Variants in FBLN2 observed in about 807,000 individuals in gnomAD.
FBLN2 encodes the protein fibulin-2.
In FBLN2, 81 loss-of-function variants were observed where a neutral mutation model predicts 123.7. That is an observed-to-expected ratio of 0.65 (90% CI 0.55 to 0.79). FBLN2 has a LOEUF of 0.79. FBLN2 is among the 30% of genes least tolerant of loss of function. The pLI is 0.00. For synonymous variants in FBLN2, 699 were observed against 701.4 expected, an observed-to-expected ratio of 1.00 and a Z score of 0.05; for missense variants, 1,603 against 1,681.3, an observed-to-expected ratio of 0.95 and a Z score of 0.81.
intron 2 of FBLN2, among the ~76,000 whole-genome samples, chr3:13,595,415 C>T (rs962266155): frequency 1.2e-4 from 18 of 152,106 alleles, no homozygotes; most frequent in African/African-American, 3.4e-4. Context: ...TCTGTGATCC[C>T]GGGGAGGAAG....
intron 2 of FBLN2, among the ~76,000 whole-genome samples, chr3:13,587,161 A>T (rs1559409328): frequency 1.3e-5 from 2 of 150,536 alleles, no homozygotes; most frequent in South Asian, 2.1e-4. Context: ...AAAAAAAAAA[A>T]TAAATAAATA....
At chr3:13,562,642 G>C (rs1355266798) in intron 1 of FBLN2, among the ~76,000 whole-genome samples, 1 of 152,134 alleles carries the variant, frequency 6.6e-6, no homozygotes, top group East Asian at 1.9e-4. Context: ...GGCCGCGCCC[G>C]GCTGCGATTT....
At chr3:13,561,980 G>A (rs1703621077) in intron 1 of FBLN2, among the ~76,000 whole-genome samples, 1 of 152,176 alleles carries the variant, frequency 6.6e-6, no homozygotes, top group African/African-American at 2.4e-5. Flanking sequence ...AATATCCCTG[G>A]AAACTCACAG....
In FBLN2 at chr3:13,554,266, C is replaced by T. The variant is rs552989464; in HGVS notation, c.-42+5058C>T. Among the ~76,000 whole-genome samples, 680 of 152,284 alleles carry T rather than the reference C, an allele frequency of 4.5e-3. 2 individuals carry two copies. Among genetic ancestry groups the T allele is most frequent in the South Asian group, 0.034 (165 of 4,826 alleles). ...TCCCGTGGCTTCTGTCTTCTGGCCACGGAGACACCATCATCTGTGTTGGGG... is the reference window on the plus strand; with the variant it reads ...TCCCGTGGCTTCTGTCTTCTGGCCATGGAGACACCATCATCTGTGTTGGGG... On this transcript the variant is annotated intron_variant, in intron 1 of 17. Transcript: ENST00000404922.
intron 4 of FBLN2, among the ~76,000 whole-genome samples, chr3:13,612,298 TCTTTCTTTCTTTC>T (rs1228517774): frequency 3.0e-4 from 15 of 49,448 alleles, no homozygotes; most frequent in Non-Finnish European, 6.8e-4. Context: ...TATTTTCCTT[TCTTTCTTTCTTTC>T]TTTCTTTCTT....
chr3:13,638,061 C>A lies in FBLN2; in HGVS notation c.*142C>A, dbSNP rs1706541764. On this transcript the variant is annotated 3_prime_UTR_variant, in exon 18 of 18. Coordinates refer to ENST00000404922, the MANE Select transcript of FBLN2 (RefSeq NM_001004019.2). ...GACTTGACTCCTGTGGCTTCTGGACCCCTCCTCTGCCCCGCAGGAGGAAGT... is the reference window on the plus strand; with the variant it reads ...GACTTGACTCCTGTGGCTTCTGGACACCTCCTCTGCCCCGCAGGAGGAAGT... 2 of 765,500 alleles carry A rather than the reference C, an allele frequency of 2.6e-6. No homozygotes were observed. Among genetic ancestry groups the A allele is most frequent in the South Asian group, 3.4e-5 (2 of 59,464 alleles). The allele number at this position is 765,500 out of a possible 1,614,324, so 47.4% of individuals were successfully genotyped here.
rs762638113 is a variant in FBLN2, at chr3:13,638,240, C to T, written c.*321C>T. The T allele has an allele frequency of 1.8e-6, 1 of 569,276 alleles. No individual in the cohort carries two copies. The highest frequency in any genetic ancestry group is 3.2e-6 in the Non-Finnish European group (1 of 312,134). The allele number at this position is 569,276 out of a possible 1,614,324, so 35.3% of individuals were successfully genotyped here. On this transcript the variant is annotated 3_prime_UTR_variant, in exon 18 of 18. Transcript: ENST00000404922. ...GGGGCTCTTGGACTCCTCTGGATGA[C>T]CCGTCCCCAAAGTTGACATTCCATT...
At chr3:13,564,222 C>T (rs567830846) in intron 1 of FBLN2, among the ~76,000 whole-genome samples, 4 of 152,046 alleles carry the variant, frequency 2.6e-5, no homozygotes, top group East Asian at 3.9e-4. Context: ...CGGGGGCAGC[C>T]GTGTGGGCAC....
At chr3:13,611,654 C>G (rs1705395194) in intron 4 of FBLN2, among the ~76,000 whole-genome samples, 1 of 152,214 alleles carries the variant, frequency 6.6e-6, no homozygotes, top group Non-Finnish European at 1.5e-5. Flanking sequence ...TGTGGACAGA[C>G]CACATTTTCT....
chr3:13,631,507 G>C (rs1317418657), intron 16 of FBLN2, 50 bp downstream of exon 16: 5 of 1,531,520 alleles, frequency 3.3e-6, no homozygotes, highest in Non-Finnish European at 4.4e-6. Flanking sequence ...CCTTGGGCAG[G>C]CTCCAAGCAG....
intron 1 of FBLN2, among the ~76,000 whole-genome samples, chr3:13,552,301 G>C (rs988117007): frequency 4.6e-5 from 7 of 152,172 alleles, no homozygotes; most frequent in African/African-American, 1.7e-4. Context: ...GGTGAGAGTG[G>C]TCAGATTTGG....
chr3:13,568,379 C>G (rs1703812410), intron 1 of FBLN2, among the ~76,000 whole-genome samples: 1 of 152,246 alleles, frequency 6.6e-6, no homozygotes, highest in Admixed American at 6.5e-5. Flanking sequence ...CCACCATCTC[C>G]TGCCTCTCTT....
At chr3:13,583,039 C>G (rs796277150) in intron 2 of FBLN2, among the ~76,000 whole-genome samples, 8 of 152,396 alleles carry the variant, frequency 5.2e-5, no homozygotes, top group African/African-American at 1.9e-4. Flanking sequence ...CTGTCTCCCT[C>G]CCATGCTGCA....
At position 13,580,284 on chromosome 3, in the gene FBLN2, C is replaced by G. The variant is rs537578937; in HGVS notation, c.1306+8623C>G. Among the ~76,000 whole-genome samples, 5 of 152,210 alleles carry G rather than the reference C, an allele frequency of 3.3e-5. No individual in the cohort carries two copies. In the South Asian group the frequency reaches 1.0e-3, roughly 32 times the overall value. On this transcript the variant is annotated intron_variant, in intron 2 of 17. Transcript: ENST00000404922. ...TTTATATGGACGTATTTTTATAGCC[C>G]TGGTAGACGTTGTTCACTTGTTCGC...
chr3:13,551,919 A>G (rs895504548), intron 1 of FBLN2, among the ~76,000 whole-genome samples: 19 of 146,730 alleles, frequency 1.3e-4, no homozygotes, highest in African/African-American at 4.8e-4. Flanking sequence ...ATCACAGCTC[A>G]CTGCAGCCTC....
chr3:13,626,318 C>T (rs6801891), intron 9 of FBLN2, 127 bp from the exon 10 acceptor site: 234,685 of 966,188 alleles, frequency 0.24, 30,451 homozygotes, highest in East Asian at 0.34. Context: ...GCCACATCTC[C>T]GAATGGTGAG....
At chr3:13,615,768 A>G (rs1439314997) in intron 5 of FBLN2, among the ~76,000 whole-genome samples, 2 of 152,210 alleles carry the variant, frequency 1.3e-5, no homozygotes, top group African/African-American at 4.8e-5. Flanking sequence ...CCCCAGGCAC[A>G]TGCCGGGTCT....
chr3:13,576,360 A>C (rs927942918), intron 2 of FBLN2, among the ~76,000 whole-genome samples: 1 of 152,204 alleles, frequency 6.6e-6, no homozygotes, highest in Admixed American at 6.5e-5. Context: ...TCTGTGAACC[A>C]AGTCCATACT....
rs747079549 is a variant in FBLN2, at chr3:13,626,476, G to A, written c.2328G>A (p.Thr776=). The A allele has an allele frequency of 5.1e-6, 8 of 1,581,240 alleles. No individual in the cohort carries two copies. The highest frequency in any genetic ancestry group is 3.6e-5 in the Admixed American group (2 of 55,826). Reference sequence around the variant, plus strand: ...ACGAGTGTGTGACGGACCTGCACACGTGCAGCCGGGGCGAGCACTGTGTGA... The same window carrying A: ...ACGAGTGTGTGACGGACCTGCACACATGCAGCCGGGGCGAGCACTGTGTGA... The part of the protein sequence containing the change: ...DINECVTDLH[T]CSRGEHCVNT... Residue 776 remains threonine, a synonymous_variant, in exon 10 of 18, where the codon ACG becomes ACA. Coordinates refer to ENST00000404922, the MANE Select transcript of FBLN2 (RefSeq NM_001004019.2).
Sources: allele counts gnomAD v4.1 joint callset (sites outside exome capture counted in the v4.1 genomes callset), GRCh38; gene constraint gnomAD v4.1.1; transcripts MANE v1.5; gene names NCBI Gene and HGNC (gene_info 2026-07-23, HGNC 2026-07-21).